The following NUBPL variants were observed in gnomAD, a reference collection of about 807,000 sequenced individuals.
The protein encoded by NUBPL is iron-sulfur cluster transfer protein NUBPL.
Under a neutral mutation model 45.7 loss-of-function variants are expected in NUBPL, and 31 were observed. That is an observed-to-expected ratio of 0.68 (90% CI 0.51 to 0.92). The LOEUF is 0.92. NUBPL is among the 40% of genes least tolerant of loss of function. The pLI, the probability that NUBPL is intolerant of heterozygous loss-of-function variation, is 0.00. For synonymous variants in NUBPL, 144 were observed against 140.9 expected (o/e 1.02, Z -0.15); for missense variants, 401 against 398.7 (o/e 1.01, Z -0.05).
At chr14:31,743,740 C>A (rs1201986724) in intron 6 of NUBPL, among the ~76,000 whole-genome samples, 1 of 152,042 alleles carries the variant, frequency 6.6e-6, no homozygotes, top group Admixed American at 6.6e-5. Context: ...GGAAGGCATT[C>A]TTTTGCATGC....
chr14:31,570,987 A>G (rs1032890482), intron 3 of NUBPL, among the ~76,000 whole-genome samples: 1 of 152,192 alleles, frequency 6.6e-6, no homozygotes, highest in Non-Finnish European at 1.5e-5. Context: ...CTGATATTCA[A>G]TATCCTCTGC....
At chr14:31,562,600 T>TG (rs1446971591) in intron 2 of NUBPL, among the ~76,000 whole-genome samples, 24 of 125,088 alleles carry the variant, frequency 1.9e-4, no homozygotes, top group South Asian at 5.3e-4. Context: ...AACTTTTTTT[T>TG]TTTGTTTTTT....
intron 4 of NUBPL, among the ~76,000 whole-genome samples, chr14:31,672,610 G>T (rs577573450): frequency 6.6e-6 from 1 of 152,114 alleles, no homozygotes; most frequent in East Asian, 1.9e-4. Flanking sequence ...CTATAGGCGT[G>T]CACCACCATG....
chr14:31,618,603 C>T (rs752948023), intron 4 of NUBPL, among the ~76,000 whole-genome samples: 1 of 152,108 alleles, frequency 6.6e-6, no homozygotes, highest in Admixed American at 6.6e-5. Context: ...GTTTCTTAAT[C>T]CTGAATTCTA....
chr14:31,647,239 A>G (rs951853439), intron 4 of NUBPL, among the ~76,000 whole-genome samples: 14 of 152,160 alleles, frequency 9.2e-5, no homozygotes, highest in African/African-American at 2.9e-4. Context: ...TGAGGAGGTC[A>G]GTTCCCTGTT....
At chr14:31,652,905 A>G (rs1483032565) in intron 4 of NUBPL, among the ~76,000 whole-genome samples, 1 of 152,164 alleles carries the variant, frequency 6.6e-6, no homozygotes, top group Non-Finnish European at 1.5e-5. Flanking sequence ...GGTCTGAGAA[A>G]TAAAGAGAAA....
intron 4 of NUBPL, among the ~76,000 whole-genome samples, chr14:31,638,343 T>G (rs2035570890): frequency 2.0e-5 from 3 of 151,744 alleles, no homozygotes; most frequent in Non-Finnish European, 4.4e-5. Context: ...CTCCTTCACT[T>G]ATGAAGCTTA....
chr14:31,852,795 T>A (rs548620889), intron 10 of NUBPL, among the ~76,000 whole-genome samples: 152 of 152,256 alleles, frequency 1.0e-3, no homozygotes, highest in African/African-American at 3.6e-3. Context: ...AGGATCAGAA[T>A]CCTCCAGTTA....
At chr14:31,823,369 C>A (rs150190464) in intron 7 of NUBPL, among the ~76,000 whole-genome samples, 31 of 152,002 alleles carry the variant, frequency 2.0e-4, no homozygotes, top group African/African-American at 7.0e-4. Context: ...AAATAGTAGA[C>A]AAAAAGTGTT....
chr14:31,792,830 G>T (rs1479447003), intron 7 of NUBPL, among the ~76,000 whole-genome samples: 1 of 152,138 alleles, frequency 6.6e-6, no homozygotes, highest in Admixed American at 6.6e-5. Flanking sequence ...ATTCAGGCCA[G>T]TGTCATTTCA....
rs186397495 is a variant in NUBPL, at chr14:31,602,267, A to T, written c.382+2888A>T. 6.5e-3 allele frequency among the ~76,000 whole-genome samples: 994 copies of T among 152,176 alleles called. 8 individuals are homozygous for T. The highest frequency in any genetic ancestry group is 0.01 in the Non-Finnish European group (683 of 67,998). ...GGTGGGAGGAGGGGGGAGGGATAGC[A>T]TTGGGAGATATACCTAATGCTAAAT... On this transcript the variant is annotated intron_variant, in intron 4 of 10. Coordinates refer to ENST00000281081, the MANE Select transcript of NUBPL (RefSeq NM_025152.3).
At chr14:31,628,551 G>A (rs2035265550) in intron 4 of NUBPL, among the ~76,000 whole-genome samples, 1 of 152,178 alleles carries the variant, frequency 6.6e-6, no homozygotes. Flanking sequence ...TAGACAACAA[G>A]TATTTCCAAC....
chr14:31,565,932 G>A (rs2033423562), intron 3 of NUBPL, among the ~76,000 whole-genome samples: 1 of 151,748 alleles, frequency 6.6e-6, no homozygotes, highest in African/African-American at 2.4e-5. Flanking sequence ...ATTGTTGGAT[G>A]TTATCTTTTT....
At chr14:31,810,404 T>C (rs533524298) in intron 7 of NUBPL, among the ~76,000 whole-genome samples, 1 of 152,324 alleles carries the variant, frequency 6.6e-6, no homozygotes, top group Admixed American at 6.5e-5. Flanking sequence ...TCTTTGTTGG[T>C]TTAAAGTCTG....
intron 6 of NUBPL, among the ~76,000 whole-genome samples, chr14:31,781,408 A>T (rs923835365): frequency 2.0e-5 from 3 of 152,214 alleles, no homozygotes; most frequent in Admixed American, 6.5e-5. Context: ...AGACATATAA[A>T]ACTACAGAAC....
chr14:31,625,779 A>C (rs2035190082), intron 4 of NUBPL, among the ~76,000 whole-genome samples: 1 of 152,046 alleles, frequency 6.6e-6, no homozygotes, highest in African/African-American at 2.4e-5. Flanking sequence ...CCCGGCTGCT[A>C]TGTCTGAGGG....
intron 6 of NUBPL, among the ~76,000 whole-genome samples, chr14:31,735,296 C>A (rs2038140856): frequency 6.6e-6 from 1 of 152,114 alleles, no homozygotes; most frequent in African/African-American, 2.4e-5. Context: ...CCAGGAAGAA[C>A]ATGGCAAAGT....
chr14:31,594,909 T>C (rs1013241524), intron 3 of NUBPL, among the ~76,000 whole-genome samples: 50 of 152,336 alleles, frequency 3.3e-4, no homozygotes, highest in African/African-American at 1.2e-3. Context: ...TGGGTACTTC[T>C]GTAGAAGTAC....
intron 6 of NUBPL, among the ~76,000 whole-genome samples, chr14:31,744,703 C>T (rs918039417): frequency 1.4e-5 from 2 of 147,480 alleles, no homozygotes; most frequent in Non-Finnish European, 3.0e-5. Context: ...CTCACTGCAA[C>T]CTCCGCCTCC....
Sources: gnomAD v4.1 joint callset for allele counts (sites outside exome capture counted in the v4.1 genomes callset) on GRCh38, gnomAD v4.1.1 for gene constraint, MANE v1.5 for transcripts, NCBI Gene and HGNC (gene_info 2026-07-23, HGNC 2026-07-21) for gene names.